RNFT2: variants seen among roughly 807,000 people sequenced by gnomAD.
The protein encoded by RNFT2 is E3 ubiquitin-protein ligase RNFT2.
Under a neutral mutation model 53.0 loss-of-function variants are expected in RNFT2, and 36 were observed. The observed-to-expected ratio is 0.68, with a 90% CI of 0.52 to 0.90. The LOEUF is 0.90. RNFT2 is among the 40% of genes least tolerant of loss of function. The probability of loss-of-function intolerance (pLI) is 0.00; values close to 1 mark genes in which losing one functional copy is unlikely to be tolerated. For missense variants in RNFT2, 514 were observed against 585.6 expected (o/e 0.88, Z 1.26); for synonymous variants, 260 against 253.2 (o/e 1.03, Z -0.26).
intron 7 of RNFT2, among the ~76,000 whole-genome samples, chr12:116,779,813 G>A (rs1185698122): frequency 6.6e-6 from 1 of 152,156 alleles, no homozygotes; most frequent in Admixed American, 6.5e-5. Context: ...CCTGCAGTGG[G>A]GAGTGAGGGC....
At chr12:116,811,671 C>T (rs958052037) in intron 7 of RNFT2, among the ~76,000 whole-genome samples, 8 of 152,174 alleles carry the variant, frequency 5.3e-5, no homozygotes, top group Non-Finnish European at 8.8e-5. Context: ...CCAACGCACC[C>T]GGCATGCGTG....
At chr12:116,748,823 C>T (rs1050109066) in intron 3 of RNFT2, 50 of 274,464 alleles carry the variant, frequency 1.8e-4, no homozygotes, top group African/African-American at 1.0e-3. Context: ...TAGAGAGAGT[C>T]GGCCTGGGTT....
intron 10 of RNFT2, among the ~76,000 whole-genome samples, chr12:116,842,605 CCTCT>C (rs1419926811): frequency 6.6e-6 from 1 of 151,698 alleles, no homozygotes; most frequent in East Asian, 1.9e-4. Flanking sequence ...ACAGAGTCTC[CCTCT>C]GTCACCCAGG....
chr12:116,766,051 C>T (rs1284275685), intron 5 of RNFT2, among the ~76,000 whole-genome samples: 2 of 152,140 alleles, frequency 1.3e-5, no homozygotes, highest in Non-Finnish European at 2.9e-5. Context: ...GCAGGAGGAT[C>T]ACTTGAGGCC....
At chr12:116,804,527 TTC>T (rs1874953464) in intron 7 of RNFT2, among the ~76,000 whole-genome samples, 1 of 152,222 alleles carries the variant, frequency 6.6e-6, no homozygotes, top group Admixed American at 6.5e-5. Flanking sequence ...ATTAGATTGT[TTC>T]TTTATTTTTT....
At chr12:116,831,692 GTGT>G (rs1394014702) in intron 7 of RNFT2, among the ~76,000 whole-genome samples, 1 of 152,066 alleles carries the variant, frequency 6.6e-6, no homozygotes, top group Non-Finnish European at 1.5e-5. Context: ...GCTTGGGGCA[GTGT>G]TGTTTGTTTG....
At chr12:116,759,029 C>T (rs745400694) in intron 5 of RNFT2, among the ~76,000 whole-genome samples, 2 of 152,122 alleles carry the variant, frequency 1.3e-5, no homozygotes, top group Non-Finnish European at 1.5e-5. Flanking sequence ...TAATCCCAGA[C>T]TTCTTGGAGG....
At chr12:116,841,784 T>A (rs1180979710) in intron 10 of RNFT2, among the ~76,000 whole-genome samples, 2 of 102,344 alleles carry the variant, frequency 2.0e-5, no homozygotes, top group Admixed American at 1.3e-4. Context: ...TATATAAATA[T>A]ATATATATAA....
intron 6 of RNFT2, among the ~76,000 whole-genome samples, chr12:116,776,474 C>G (rs1366959173): frequency 6.6e-6 from 1 of 152,140 alleles, no homozygotes; most frequent in African/African-American, 2.4e-5. Context: ...GCAAACCTCT[C>G]CCTGTATTAT....
chr12:116,789,616 A>G, intron 7 of RNFT2, among the ~76,000 whole-genome samples: 1 of 131,570 alleles, frequency 7.6e-6, no homozygotes, highest in African/African-American at 3.1e-5. Context: ...TGGATGGTAG[A>G]TGGATGGATG....
rs1429894904 is a variant in RNFT2, at chr12:116,750,252, A to G, written c.495A>G (p.Lys165=). 1 of 1,607,538 alleles carries G rather than the reference A, an allele frequency of 6.2e-7. No homozygotes were observed. The highest frequency in any genetic ancestry group is 8.5e-7 in the Non-Finnish European group (1 of 1,179,618). ...ELKAVICWLQ[K]GLPFILILLA... Reference sequence around the variant, plus strand: ...AGGCTGTGATCTGCTGGCTCCAGAAAGGACTCCCCTTCATCCTGATCCTCC... The same window carrying G: ...AGGCTGTGATCTGCTGGCTCCAGAAGGGACTCCCCTTCATCCTGATCCTCC... Residue 165 remains lysine (K), a synonymous_variant, in exon 4 of 11, where the codon AAA becomes AAG. Coordinates refer to ENST00000257575, the MANE Select transcript of RNFT2 (RefSeq NM_001382266.1).
At chr12:116,849,206 C>G (rs1295416543) in intron 10 of RNFT2, 108 bp from the exon 11 acceptor site, 2 of 875,704 alleles carry the variant, frequency 2.3e-6, no homozygotes, top group East Asian at 5.4e-5. Flanking sequence ...TGCAGGCGCC[C>G]CGAAGGCAGG....
At position 116,760,449 on chromosome 12, in the gene RNFT2, T is replaced by C. The variant is rs148649877; in HGVS notation, c.628-6365T>C. On this transcript the variant is annotated intron_variant, in intron 5 of 10. Transcript: ENST00000257575. ...GAGTTTTAGCCCTTGCTCCTACCCA[T>C]TGGATCCCCGTGGTGCCAGACAGGA... Among the ~76,000 whole-genome samples, 476 of 152,292 alleles carry C rather than the reference T, an allele frequency of 3.1e-3. 2 individuals are homozygous for C. Among genetic ancestry groups the C allele is most frequent in the African/African-American group, 0.011 (460 of 41,568 alleles).
chr12:116,816,375 CT>C (rs1168130226), intron 7 of RNFT2, among the ~76,000 whole-genome samples: 1 of 152,196 alleles, frequency 6.6e-6, no homozygotes, highest in Non-Finnish European at 1.5e-5. Flanking sequence ...CCCAGCAACT[CT>C]TTTGGGGCCT....
At chr12:116,829,909 C>T (rs759024210) in intron 7 of RNFT2, among the ~76,000 whole-genome samples, 1 of 151,978 alleles carries the variant, frequency 6.6e-6, no homozygotes, top group Non-Finnish European at 1.5e-5. Context: ...AAACATATCA[C>T]ATGCTCAGTA....
chr12:116,763,427 C>T (rs1455256525), intron 5 of RNFT2, among the ~76,000 whole-genome samples: 1 of 152,052 alleles, frequency 6.6e-6, no homozygotes, highest in East Asian at 1.9e-4. Context: ...GGAATGTAAA[C>T]TAGTACAACC....
chr12:116,820,582 C>T (rs1875962497), intron 7 of RNFT2, among the ~76,000 whole-genome samples: 1 of 151,840 alleles, frequency 6.6e-6, no homozygotes, highest in Non-Finnish European at 1.5e-5. Flanking sequence ...TTCAGTTATC[C>T]TTCCCTCTCT....
chr12:116,806,378 AAAAATATATATATAT>A (rs1485866891), intron 7 of RNFT2, among the ~76,000 whole-genome samples: 20 of 132,578 alleles, frequency 1.5e-4, no homozygotes, highest in African/African-American at 6.7e-4. Flanking sequence ...AAAAAAAAAA[AAAAATATATATATAT>A]ATATATAGAT....
chr12:116,748,708 T>G, intron 3 of RNFT2: 1 of 450,204 alleles, frequency 2.2e-6, no homozygotes, highest in Non-Finnish European at 4.5e-6. Context: ...CCATTGAACT[T>G]GAAGACTGCA....
Sources: gnomAD v4.1 joint callset for allele counts (sites outside exome capture counted in the v4.1 genomes callset) on GRCh38, gnomAD v4.1.1 for gene constraint, MANE v1.5 for transcripts, NCBI Gene and HGNC (gene_info 2026-07-23, HGNC 2026-07-21) for gene names.